ERP44: variants seen among roughly 807,000 people sequenced by gnomAD.
The protein encoded by ERP44 is endoplasmic reticulum protein 44, also known as endoplasmic reticulum resident protein 44.
ERP44 carries 25 observed loss-of-function variants against 53.4 expected under a neutral mutation model. The observed-to-expected ratio is 0.47, with a 90% confidence interval of 0.34 to 0.65. ERP44 has a LOEUF of 0.65. Among genes scored for constraint, ERP44 ranks in the 30% least tolerant of loss-of-function variants. The probability of loss-of-function intolerance (pLI) is 0.01; values close to 1 mark genes in which losing one functional copy is unlikely to be tolerated. For synonymous variants in ERP44, 145 were observed against 161.2 expected, an observed-to-expected ratio of 0.90 and a Z score of 0.76; for missense variants, 338 against 493.2, an observed-to-expected ratio of 0.69 and a Z score of 2.98.
At chr9:100,091,751 G>C (rs1826559219) in intron 1 of ERP44, among the ~76,000 whole-genome samples, 1 of 152,136 alleles carries the variant, frequency 6.6e-6, no homozygotes, top group South Asian at 2.1e-4. Context: ...ATCCATGGCA[G>C]TATTTCTCGA....
At chr9:100,024,152 T>TCAA (rs35674225) in intron 4 of ERP44, among the ~76,000 whole-genome samples, 8,091 of 149,402 alleles carry the variant, frequency 0.054, 245 homozygotes, top group South Asian at 0.063. Flanking sequence ...AAACCCTGAC[T>TCAA]CAACAACAAC....
chr9:100,080,235 C>T lies in ERP44; in HGVS notation c.57+18549G>A, dbSNP rs187796747. 9.2e-5 allele frequency among the ~76,000 whole-genome samples: 14 copies of T among 152,270 alleles called. No individual in the cohort carries two copies. In the East Asian group the frequency reaches 2.1e-3, roughly 23 times the overall value. The stretch of plus-strand genomic sequence containing the variant: ...AATGGCCATTTACCCTACAATTGAA[C>T]GCTTGCTATGACAGAGAGCTTACAG... On this transcript the variant is annotated intron_variant, in intron 1 of 11. Transcript: ENST00000262455.
At chr9:100,024,481 T>A (rs1024563683) in intron 4 of ERP44, among the ~76,000 whole-genome samples, 1 of 151,062 alleles carries the variant, frequency 6.6e-6, no homozygotes, top group Non-Finnish European at 1.5e-5. Flanking sequence ...TGTTTGCTTA[T>A]ATAGTTGTCT....
chr9:100,006,321 C>G (rs1830424998), intron 10 of ERP44, among the ~76,000 whole-genome samples, 185 bp downstream of exon 10: 1 of 152,092 alleles, frequency 6.6e-6, no homozygotes, highest in Admixed American at 6.5e-5. Context: ...AAGGCTATAT[C>G]ATAATGTTCA....
chr9:100,071,504 TTTCTTA>T (rs1404796466), intron 1 of ERP44, among the ~76,000 whole-genome samples: 1 of 152,220 alleles, frequency 6.6e-6, no homozygotes, highest in African/African-American at 2.4e-5. Context: ...GACTTCCTAG[TTTCTTA>T]TTCTTAAGTA....
intron 10 of ERP44, among the ~76,000 whole-genome samples, chr9:99,990,653 C>T (rs1174101608): frequency 2.0e-5 from 3 of 152,138 alleles, no homozygotes; most frequent in Non-Finnish European, 4.4e-5. Context: ...GGATCAAATT[C>T]ACACCTAACA....
At chr9:100,073,210 A>G (rs1054381970) in intron 1 of ERP44, among the ~76,000 whole-genome samples, 2 of 152,232 alleles carry the variant, frequency 1.3e-5, no homozygotes, top group Admixed American at 6.5e-5. Context: ...CATAATTCAA[A>G]TTAAGAATTT....
intron 4 of ERP44, among the ~76,000 whole-genome samples, chr9:100,044,962 G>C (rs147318978): frequency 4.3e-4 from 65 of 152,222 alleles, no homozygotes; most frequent in Non-Finnish European, 7.4e-4. Flanking sequence ...TTTCTATGGG[G>C]AATTCAATTT....
chr9:100,018,417 G>T, intron 6 of ERP44, 104 bp from the exon 7 acceptor site: 1 of 747,170 alleles, frequency 1.3e-6, no homozygotes, highest in South Asian at 1.4e-5. Flanking sequence ...CCTATTACAA[G>T]ACTATGCAAT....
At position 99,979,198 on chromosome 9, in the gene ERP44, A is replaced by G. The variant is rs1830120888; in HGVS notation, c.*3414T>C. ...TTTTACTTTTCATTTTTGCAGTTTC[A>G]TGTCATTTTATTTTGGTCCAGCCAT... On this transcript the variant is annotated 3_prime_UTR_variant, in exon 12 of 12. Coordinates refer to ENST00000262455, the MANE Select transcript of ERP44 (RefSeq NM_015051.3). The G allele has an allele frequency of 6.7e-6, 1 of 148,790 alleles. No homozygotes were observed. Among genetic ancestry groups the G allele is most frequent in the Non-Finnish European group, 1.5e-5 (1 of 67,254 alleles). The allele number at this position is 148,790 out of a possible 1,614,324, so 9.2% of individuals were successfully genotyped here. A position where few individuals can be genotyped will look rare whatever the true frequency, so the allele number is the denominator to read the frequency against.
At chr9:100,088,687 A>G (rs16918894) in intron 1 of ERP44, among the ~76,000 whole-genome samples, 1,975 of 152,340 alleles carry the variant, frequency 0.013, 34 homozygotes, top group African/African-American at 0.046. Context: ...ACCACTTAGG[A>G]GTCAGACATA....
At chr9:100,030,809 TG>T (rs1825778635) in intron 4 of ERP44, among the ~76,000 whole-genome samples, 1 of 152,176 alleles carries the variant, frequency 6.6e-6, no homozygotes, top group Admixed American at 6.5e-5. Context: ...CCTGAACTTT[TG>T]ATTGAGTGTC....
intron 10 of ERP44, among the ~76,000 whole-genome samples, chr9:99,998,115 CTTAAT>C (rs1190692830): frequency 1.3e-5 from 2 of 152,194 alleles, no homozygotes; most frequent in Admixed American, 6.5e-5. Flanking sequence ...GAGAATTCTG[CTTAAT>C]TTAAGACATG....
intron 1 of ERP44, among the ~76,000 whole-genome samples, chr9:100,097,524 A>C (rs907459352): frequency 1.3e-5 from 2 of 152,230 alleles, no homozygotes; most frequent in Non-Finnish European, 2.9e-5. Context: ...CCAAGAAACA[A>C]CACTATACAG....
At chr9:100,088,201 A>G (rs1826507922) in intron 1 of ERP44, among the ~76,000 whole-genome samples, 1 of 152,252 alleles carries the variant, frequency 6.6e-6, no homozygotes, top group South Asian at 2.1e-4. Flanking sequence ...AGAAAAAGAA[A>G]AACAATTATC....
intron 4 of ERP44, among the ~76,000 whole-genome samples, chr9:100,031,717 G>A (rs1222498799): frequency 2.6e-5 from 4 of 152,018 alleles, no homozygotes; most frequent in Admixed American, 2.6e-4. Flanking sequence ...TTAAAAGTTA[G>A]CTTAATTAAA....
At chr9:100,071,759 A>C (rs1025700692) in intron 1 of ERP44, among the ~76,000 whole-genome samples, 1 of 152,128 alleles carries the variant, frequency 6.6e-6, no homozygotes, top group African/African-American at 2.4e-5. Context: ...GTCTCTACTA[A>C]AAATACAAAA....
intron 4 of ERP44, 71 bp downstream of exon 4, chr9:100,052,346 G>C: frequency 1.5e-6 from 1 of 677,196 alleles, no homozygotes; most frequent in Non-Finnish European, 2.3e-6. Flanking sequence ...GAAAAGAAAA[G>C]AAAAAATGTG....
intron 7 of ERP44, 72 bp from the exon 8 acceptor site, chr9:100,016,510 T>A: frequency 6.9e-7 from 1 of 1,454,570 alleles, no homozygotes; most frequent in South Asian, 1.5e-5. Context: ...TTTTTTTCTT[T>A]ATATTTTTTA....
Sources: allele counts gnomAD v4.1 joint callset (sites outside exome capture counted in the v4.1 genomes callset), GRCh38; gene constraint gnomAD v4.1.1; transcripts MANE v1.5; gene names NCBI Gene and HGNC (gene_info 2026-07-23, HGNC 2026-07-21).